Variants in FREM2 observed in about 807,000 individuals in gnomAD.
The protein encoded by FREM2 is FRAS1 related extracellular matrix 2, also known as FRAS1-related extracellular matrix protein 2.
Under a neutral mutation model 219.9 loss-of-function variants are expected in FREM2, and 119 were observed. The observed-to-expected ratio is 0.54, with a 90% CI of 0.47 to 0.63. The LOEUF is 0.63. FREM2 is among the 30% of genes least tolerant of loss of function. The pLI is 0.00. For missense variants in FREM2, 4,030 were observed against 3,993.6 expected (o/e 1.01, Z -0.25); for synonymous variants, 1,562 against 1,522.8 (o/e 1.03, Z -0.60).
chr13:38,866,840 C>G (rs776568621), intron 16 of FREM2, among the ~76,000 whole-genome samples: 8 of 152,218 alleles, frequency 5.3e-5, no homozygotes, highest in Non-Finnish European at 8.8e-5. Context: ...TAATAAAAAC[C>G]CTGCACTTGC....
intron 15 of FREM2, 118 bp downstream of exon 15, chr13:38,861,680 CT>C: frequency 3.8e-6 from 4 of 1,051,794 alleles, no homozygotes; most frequent in South Asian, 1.3e-5. Flanking sequence ...GCAACTTGAG[CT>C]TCAAGTCCTT....
At chr13:38,826,337 C>T (rs576578544) in intron 6 of FREM2, among the ~76,000 whole-genome samples, 29 of 152,180 alleles carry the variant, frequency 1.9e-4, no homozygotes, top group Non-Finnish European at 2.5e-4. Flanking sequence ...TCGGGCATTT[C>T]GTAAGTGACT....
chr13:38,717,085 T>G (rs1871034542), intron 2 of FREM2, among the ~76,000 whole-genome samples: 1 of 152,208 alleles, frequency 6.6e-6, no homozygotes, highest in Non-Finnish European at 1.5e-5. Context: ...TGAGCTGTCA[T>G]GTGATAAGAA....
chr13:38,776,269 A>G (rs1873866318), intron 4 of FREM2, among the ~76,000 whole-genome samples: 1 of 152,176 alleles, frequency 6.6e-6, no homozygotes, highest in African/African-American at 2.4e-5. Context: ...GAATGTGCCA[A>G]ATTTCTTAAA....
chr13:38,870,216 T>C (rs774361659), intron 16 of FREM2, among the ~76,000 whole-genome samples: 1 of 152,212 alleles, frequency 6.6e-6, no homozygotes, highest in Non-Finnish European at 1.5e-5. Context: ...TTATACTTTG[T>C]ACACTGATAC....
In FREM2 at chr13:38,692,265, C is replaced by T; in HGVS notation, c.4921C>T (p.Pro1641Ser). Residue 1641 changes from proline (P) to serine (S), a missense_variant, in exon 1 of 24, where the codon CCC becomes TCC. Physicochemically the swap from Pro to Ser is moderately conservative, Grantham distance 74 (BLOSUM62 -1). Transcript: ENST00000280481. ...FPDTVFETRR[P>S]QVMKIQVLAV... is the part of the protein sequence containing the mutation. ...TGATACGGTGTTTGAAACAAGGAGACCCCAAGTGATGAAGATCCAGGTCTT... is the reference window on the plus strand; with the variant it reads ...TGATACGGTGTTTGAAACAAGGAGATCCCAAGTGATGAAGATCCAGGTCTT... 1.2e-6 allele frequency: 2 copies of T among 1,613,784 alleles called. No homozygotes were observed. The highest frequency in any genetic ancestry group is 2.2e-5 in the East Asian group (1 of 44,874).
rs368331823 is a variant in FREM2, at chr13:38,767,243, C to A, written c.5411-2335C>A. On this transcript the variant is annotated intron_variant, in intron 3 of 23. Coordinates refer to ENST00000280481, the MANE Select transcript of FREM2 (RefSeq NM_207361.6). ...CTCCTTCCACAAACACCCTGTTTAA[C>A]CACTTTGTTATTTTTCTATGTCAGA... 1.9e-3 allele frequency among the ~76,000 whole-genome samples: 287 copies of A among 152,320 alleles called. 1 individual carries two copies. Among genetic ancestry groups the A allele is most frequent in the African/African-American group, 6.7e-3 (279 of 41,576 alleles).
Position 38,864,528 on chromosome 13 carries a change from T to C in FREM2, c.7905T>C (p.Cys2635=), listed in dbSNP as rs756808407. The change falls in exon 16 of 24, where the codon TGT becomes TGC. Residue 2635 remains cysteine, a synonymous_variant. Transcript: ENST00000280481. ...RFYRNLNLEA[C]LWEFVSYYDM... ...ACCGGAACCTGAACCTAGAGGCCTG[T>C]TTATGGGAGTTCGTTAGCTACTATG... The C allele has an allele frequency of 1.9e-6, 3 of 1,614,184 alleles. No individual in the cohort carries two copies. The highest frequency in any genetic ancestry group is 2.2e-5 in the East Asian group (1 of 44,886).
chr13:38,854,501 A>G (rs1384331251), intron 11 of FREM2, among the ~76,000 whole-genome samples: 1 of 152,174 alleles, frequency 6.6e-6, no homozygotes, highest in African/African-American at 2.4e-5. Context: ...CCATGCAGGA[A>G]GGTGCCAAAA....
chr13:38,850,797 T>C (rs1463712214), intron 9 of FREM2, 147 bp from the exon 10 acceptor site: 1 of 828,266 alleles, frequency 1.2e-6, no homozygotes, highest in Non-Finnish European at 2.0e-6. Context: ...TCAGCAAATA[T>C]CTGCTGAAGG....
chr13:38,830,147 A>G (rs192828640), intron 6 of FREM2, among the ~76,000 whole-genome samples: 308 of 152,290 alleles, frequency 2.0e-3, no homozygotes, highest in African/African-American at 6.5e-3. Flanking sequence ...TTTTAAAGAA[A>G]TATATCATAC....
In FREM2 at chr13:38,690,175, G is replaced by C; in HGVS notation, c.2831G>C (p.Ser944Thr). The change falls in exon 1 of 24, where the codon AGC becomes ACC. Residue 944 changes from serine to threonine, a missense_variant. Around this residue, in one of 2 missense-constraint regions of FREM2, gnomAD observed 3,102 missense variants for 2,950.7 expected, o/e 1.05. Transcript: ENST00000280481. The stretch of plus-strand genomic sequence containing the variant: ...GTGGATGATGAAGTGCCCATACTGA[G>C]CCATCCTACTGGCACTCTGGAGTCC... ...RPVDDEVPIL[S>T]HPTGTLESYL... The C allele has an allele frequency of 6.2e-7, 1 of 1,614,118 alleles. No homozygotes were observed.
chr13:38,687,209 C>A lies in FREM2; in HGVS notation c.-136C>A. 7.8e-7 allele frequency: 1 copy of A among 1,281,034 alleles called. No homozygotes were observed. The highest frequency in any genetic ancestry group is 1.4e-5 in the South Asian group (1 of 73,928). The allele number at this position is 1,281,034 out of a possible 1,614,324, so 79.4% of individuals were successfully genotyped here. A position where few individuals can be genotyped will look rare whatever the true frequency, so the allele number is the denominator to read the frequency against. ...GCGCAACTTTGCCATCCTTCTGGCC[C>A]AGCCCCGGCTACAGGAGGACCCCGC... On this transcript the variant is annotated 5_prime_UTR_variant, in exon 1 of 24. Transcript: ENST00000280481.
intron 6 of FREM2, among the ~76,000 whole-genome samples, chr13:38,801,309 G>A (rs138941919): frequency 6.6e-6 from 1 of 152,078 alleles, no homozygotes; most frequent in African/African-American, 2.4e-5. Context: ...ATTAAAATTA[G>A]CATTTTTAAT....
chr13:38,790,607 A>G (rs1455593325), intron 6 of FREM2, among the ~76,000 whole-genome samples: 1 of 152,150 alleles, frequency 6.6e-6, no homozygotes, highest in Admixed American at 6.5e-5. Context: ...CATTTGTACC[A>G]TCAGTTCTCA....
intron 2 of FREM2, among the ~76,000 whole-genome samples, chr13:38,713,972 T>C (rs189618379): frequency 5.1e-4 from 78 of 152,260 alleles, no homozygotes; most frequent in Admixed American, 9.8e-4. Flanking sequence ...GCCTCCAACA[T>C]CAAAGAACTA....
intron 2 of FREM2, among the ~76,000 whole-genome samples, chr13:38,721,507 TAGC>T (rs1224055010): frequency 6.6e-6 from 1 of 152,128 alleles, no homozygotes; most frequent in Non-Finnish European, 1.5e-5. Flanking sequence ...TTTACAACAG[TAGC>T]AAGCTGACCC....
chr13:38,863,152 C>T (rs868197720), intron 15 of FREM2, among the ~76,000 whole-genome samples: 5 of 152,042 alleles, frequency 3.3e-5, no homozygotes, highest in African/African-American at 7.3e-5. Flanking sequence ...CGGGTTCAAG[C>T]GATTCTCATG....
At chr13:38,744,247 TC>T in intron 2 of FREM2, among the ~76,000 whole-genome samples, 1 of 119,450 alleles carries the variant, frequency 8.4e-6, no homozygotes, top group African/African-American at 3.2e-5. Context: ...GTCTTGTTCT[TC>T]CCCCCAGGCT....
Sources: allele counts gnomAD v4.1 joint callset (sites outside exome capture counted in the v4.1 genomes callset), GRCh38; gene constraint gnomAD v4.1.1; regional missense constraint gnomAD v4.1.1; transcripts MANE v1.5; gene names NCBI Gene and HGNC (gene_info 2026-07-23, HGNC 2026-07-21).